CARMIL1: variants seen among roughly 807,000 people sequenced by gnomAD.
CARMIL1 encodes the protein capping protein regulator and myosin 1 linker 1.
In CARMIL1, 90 loss-of-function variants were observed where a neutral mutation model predicts 177.1. That is an observed-to-expected ratio of 0.51 (90% confidence interval 0.43 to 0.61). The LOEUF (loss-of-function observed/expected upper bound fraction) is 0.61. Ranked by LOEUF, CARMIL1 falls within the 20% of genes least tolerant of loss-of-function variation. The pLI, the probability that CARMIL1 is intolerant of heterozygous loss-of-function variation, is 0.00. For missense variants in CARMIL1, 1,380 were observed against 1,667.0 expected (o/e 0.83, Z 3.00); for synonymous variants, 577 against 606.2 (o/e 0.95, Z 0.71).
chr6:25,313,446 T>A (rs1427869785), intron 2 of CARMIL1, among the ~76,000 whole-genome samples: 1 of 152,166 alleles, frequency 6.6e-6, no homozygotes, highest in Admixed American at 6.5e-5. Context: ...TCATTTTATA[T>A]TTTTGTGCCA....
At chr6:25,390,308 A>ATTT (rs1792629566) in intron 2 of CARMIL1, among the ~76,000 whole-genome samples, 1 of 48,524 alleles carries the variant, frequency 2.1e-5, no homozygotes, top group South Asian at 8.0e-4. Flanking sequence ...ATATATATAT[A>ATTT]TATATATATA....
At chr6:25,477,380 G>A (rs1270206222) in intron 11 of CARMIL1, among the ~76,000 whole-genome samples, 1 of 152,058 alleles carries the variant, frequency 6.6e-6, no homozygotes, top group African/African-American at 2.4e-5. Context: ...GACTTAGTAA[G>A]CAGAGGTATA....
rs538618732 is a variant in CARMIL1, at chr6:25,611,833, T to C, written c.3979+1652T>C. ...GTACAAATATAGATCATGGAGCCTC[T>C]CTGGTTAGCAAAGTCGGGGAGATAC... On this transcript the variant is annotated intron_variant, in intron 36 of 36. Coordinates refer to ENST00000329474, the MANE Select transcript of CARMIL1 (RefSeq NM_017640.6). 3.3e-5 allele frequency among the ~76,000 whole-genome samples: 5 copies of C among 152,278 alleles called. No homozygotes were observed. The South Asian group carries it at 1.0e-3, about 32-fold the overall frequency.
chr6:25,497,184 CT>C (rs1237536915), intron 16 of CARMIL1, among the ~76,000 whole-genome samples: 3 of 152,060 alleles, frequency 2.0e-5, no homozygotes, highest in Non-Finnish European at 2.9e-5. Context: ...TAACACAAAA[CT>C]GAAGTTCTCA....
rs116476529 is a variant in CARMIL1 at position 25,448,276 on chromosome 6, C to T, written c.372-1622C>T. 3.6e-3 allele frequency among the ~76,000 whole-genome samples: 541 copies of T among 152,252 alleles called. 5 individuals carry two copies. Among genetic ancestry groups the T allele is most frequent in the Non-Finnish European group, 5.1e-3 (347 of 68,024 alleles). Reference sequence around the variant, plus strand: ...ATTGCCCTGAGAATAAAATCAAAATCCTTTTATTTGACCTGTGAGGCGCAC... The same window carrying T: ...ATTGCCCTGAGAATAAAATCAAAATTCTTTTATTTGACCTGTGAGGCGCAC... On this transcript the variant is annotated intron_variant, in intron 5 of 36. Coordinates refer to ENST00000329474, the MANE Select transcript of CARMIL1 (RefSeq NM_017640.6).
At chr6:25,313,204 A>G (rs559483318) in intron 2 of CARMIL1, among the ~76,000 whole-genome samples, 104 of 142,666 alleles carry the variant, frequency 7.3e-4, no homozygotes, top group Admixed American at 3.8e-3. Context: ...GGGAATGATT[A>G]AGAAAAAAAA....
chr6:25,470,845 A>G (rs1801037667), intron 9 of CARMIL1, among the ~76,000 whole-genome samples: 1 of 152,210 alleles, frequency 6.6e-6, no homozygotes, highest in Non-Finnish European at 1.5e-5. Flanking sequence ...AAAGGCACCT[A>G]ATTGCTAATG....
At chr6:25,403,310 A>G (rs1794051364) in intron 2 of CARMIL1, among the ~76,000 whole-genome samples, 1 of 152,146 alleles carries the variant, frequency 6.6e-6, no homozygotes, top group African/African-American at 2.4e-5. Flanking sequence ...ACCACCTCTC[A>G]GCACTCCTGC....
intron 2 of CARMIL1, among the ~76,000 whole-genome samples, chr6:25,292,483 AC>A (rs1248369006): frequency 6.6e-6 from 1 of 152,148 alleles, no homozygotes. Flanking sequence ...GTCAGTTCCT[AC>A]CTGTTTCCAC....
At chr6:25,334,086 C>T (rs1455612957) in intron 2 of CARMIL1, among the ~76,000 whole-genome samples, 1 of 152,196 alleles carries the variant, frequency 6.6e-6, no homozygotes, top group Non-Finnish European at 1.5e-5. Context: ...CTCAGTTCAA[C>T]ACACCCCTGG....
intron 32 of CARMIL1, among the ~76,000 whole-genome samples, chr6:25,598,617 C>T (rs770008544): frequency 6.6e-6 from 1 of 152,086 alleles, no homozygotes; most frequent in Non-Finnish European, 1.5e-5. Flanking sequence ...TCTTTATATT[C>T]CCTTTGTTTT....
At chr6:25,590,522 C>G (rs530339401) in intron 31 of CARMIL1, among the ~76,000 whole-genome samples, 19 of 152,188 alleles carry the variant, frequency 1.2e-4, no homozygotes, top group Non-Finnish European at 2.2e-4. Context: ...TCTTTCTTTT[C>G]TCCTATTCTC....
At chr6:25,425,888 C>A (rs1396421556) in intron 3 of CARMIL1, among the ~76,000 whole-genome samples, 2 of 152,106 alleles carry the variant, frequency 1.3e-5, no homozygotes, top group Non-Finnish European at 2.9e-5. Flanking sequence ...AGATTTATTT[C>A]TCTAAATCCA....
intron 9 of CARMIL1, among the ~76,000 whole-genome samples, chr6:25,467,288 T>C (rs1430676450): frequency 6.6e-6 from 1 of 152,092 alleles, no homozygotes; most frequent in Non-Finnish European, 1.5e-5. Context: ...TGCTGCTTGC[T>C]GGGATGGGAC....
At position 25,581,336 on chromosome 6, in the gene CARMIL1, C is replaced by T. The variant is rs1228442164; in HGVS notation, c.2903C>T (p.Ser968Leu). The T allele has an allele frequency of 2.6e-5, 42 of 1,613,634 alleles. No individual in the cohort carries two copies. The highest frequency in any genetic ancestry group is 1.2e-4 in the Admixed American group (7 of 59,976). Residue 968 changes from serine to leucine, a missense_variant, in exon 31 of 37, where the codon TCG becomes TTG. By Grantham distance (145) the Ser-to-Leu change is moderately radical. Transcript: ENST00000329474. ...FPSLRQEKRS[S>L]GFISELPSEE... is the part of the protein sequence containing the mutation. ...TCCCTCAGACAGGAGAAGCGGAGCT[C>T]GGGATTTATCTCTGAGTTGCCCTCT...
At position 25,400,973 on chromosome 6, in the gene CARMIL1, A is replaced by G. The variant is rs984894922; in HGVS notation, c.139-19141A>G. Among the ~76,000 whole-genome samples the G allele has an allele frequency of 1.0e-4, 15 of 149,280 alleles. No individual in the cohort carries two copies. The Admixed American group carries it at 1.0e-3, about 10-fold the overall frequency. ...ATTTTTCTAAATTCCAAGAAGCAAA[A>G]GAATATATTTTTATTATTAAATAGC... On this transcript the variant is annotated intron_variant, in intron 2 of 36. Coordinates refer to ENST00000329474, the MANE Select transcript of CARMIL1 (RefSeq NM_017640.6).
chr6:25,363,254 G>A (rs1256626308), intron 2 of CARMIL1, among the ~76,000 whole-genome samples: 3 of 151,594 alleles, frequency 2.0e-5, no homozygotes, highest in African/African-American at 4.8e-5. Context: ...CTTTTTTATC[G>A]GTGCTTCCAA....
rs773639328 is a variant in CARMIL1, at chr6:25,452,255, T to G, written c.614+1544T>G. The G allele has an allele frequency of 1.0e-5, 8 of 762,950 alleles. No homozygotes were observed. The South Asian group carries it at 1.1e-4, about 10-fold the overall frequency. 47.3% of individuals were successfully genotyped at this position (762,950 alleles called of 1,614,324 possible). ...TTTTTTTTCCTGCTTAGAGCAGTTC[T>G]CCTTCTTCCTATAAGTGAGGCAACT... On this transcript the variant is annotated intron_variant, in intron 8 of 36. Coordinates refer to ENST00000329474, the MANE Select transcript of CARMIL1 (RefSeq NM_017640.6).
chr6:25,510,464 T>C (rs1402955428), intron 18 of CARMIL1, 43 bp from the exon 19 acceptor site: 11 of 1,162,584 alleles, frequency 9.5e-6, no homozygotes, highest in Non-Finnish European at 1.3e-5. Context: ...AATTAATTTA[T>C]ACACATGTGT....
Sources: allele counts gnomAD v4.1 joint callset (sites outside exome capture counted in the v4.1 genomes callset), GRCh38; gene constraint gnomAD v4.1.1; transcripts MANE v1.5; gene names NCBI Gene and HGNC (gene_info 2026-07-23, HGNC 2026-07-21).